Variants in TBC1D5 observed in about 807,000 individuals in gnomAD.
TBC1D5 encodes TBC1 domain family, member 5.
TBC1D5 carries 75 observed loss-of-function variants against 100.3 expected under a neutral mutation model. The ratio of observed to expected loss-of-function variants is 0.75; its 90% CI spans 0.62 to 0.91. The LOEUF (loss-of-function observed/expected upper bound fraction) is 0.91. Ranked by LOEUF, TBC1D5 falls within the 40% of genes least tolerant of loss-of-function variation. The probability of loss-of-function intolerance (pLI) is 0.00; values close to 1 mark genes in which losing one functional copy is unlikely to be tolerated. For synonymous variants in TBC1D5, 323 were observed against 325.6 expected, an observed-to-expected ratio of 0.99 and a Z score of 0.09; for missense variants, 910 against 942.4, an observed-to-expected ratio of 0.97 and a Z score of 0.45.
At chr3:17,591,269 A>C (rs1195397917) in intron 2 of TBC1D5, among the ~76,000 whole-genome samples, 1 of 139,436 alleles carries the variant, frequency 7.2e-6, no homozygotes, top group African/African-American at 2.7e-5. Context: ...AAAAAAAACA[A>C]AAACCCCAGA....
intron 15 of TBC1D5, among the ~76,000 whole-genome samples, chr3:17,273,158 T>C (rs920399214): frequency 6.6e-6 from 1 of 152,218 alleles, no homozygotes; most frequent in Non-Finnish European, 1.5e-5. Context: ...CTGTAACATT[T>C]GCCACTCATC....
At chr3:17,511,014 G>A (rs968485977) in intron 2 of TBC1D5, among the ~76,000 whole-genome samples, 11 of 151,768 alleles carry the variant, frequency 7.2e-5, no homozygotes, top group Admixed American at 2.0e-4. Context: ...AAGTCAGTGC[G>A]ACAAAAAGAC....
intron 1 of TBC1D5, among the ~76,000 whole-genome samples, chr3:17,694,926 C>G (rs2071774449): frequency 6.6e-6 from 1 of 152,172 alleles, no homozygotes. Flanking sequence ...ACCCAGAAGA[C>G]AGTGGGGGCC....
chr3:17,706,446 C>T (rs1042670296), intron 1 of TBC1D5, among the ~76,000 whole-genome samples: 1 of 151,472 alleles, frequency 6.6e-6, no homozygotes, highest in Non-Finnish European at 1.5e-5. Flanking sequence ...CACACGCGCG[C>T]GCACACCCCA....
chr3:17,259,399 T>C (rs2078056393), intron 15 of TBC1D5, among the ~76,000 whole-genome samples: 1 of 152,188 alleles, frequency 6.6e-6, no homozygotes, highest in South Asian at 2.1e-4. Flanking sequence ...TAAACAAATA[T>C]ACTTCTGCTT....
intron 13 of TBC1D5, among the ~76,000 whole-genome samples, chr3:17,345,518 C>T (rs1248065119): frequency 6.6e-6 from 1 of 152,004 alleles, no homozygotes; most frequent in African/African-American, 2.4e-5. Flanking sequence ...GTGGCGATTC[C>T]TCAGGGATCT....
intron 15 of TBC1D5, among the ~76,000 whole-genome samples, chr3:17,265,880 A>G (rs2149558894): frequency 6.6e-6 from 1 of 151,344 alleles, no homozygotes; most frequent in South Asian, 2.1e-4. Context: ...AAACACTGCC[A>G]ATTGCTTTTT....
At chr3:17,613,805 G>A (rs1447058823) in intron 2 of TBC1D5, among the ~76,000 whole-genome samples, 3 of 152,162 alleles carry the variant, frequency 2.0e-5, no homozygotes. Flanking sequence ...CAGATGGGTG[G>A]AGTGTAAAAA....
At chr3:17,364,588 A>G (rs2091979558) in intron 13 of TBC1D5, among the ~76,000 whole-genome samples, 1 of 127,636 alleles carries the variant, frequency 7.8e-6, no homozygotes, top group African/African-American at 4.3e-5. Context: ...AAGCTACATC[A>G]TTTATTTTAG....
chr3:17,170,157 C>T (rs976791976), intron 19 of TBC1D5, among the ~76,000 whole-genome samples: 3 of 152,228 alleles, frequency 2.0e-5, no homozygotes, highest in Admixed American at 2.0e-4. Flanking sequence ...GTTTACAAGA[C>T]TGCTATGGCT....
intron 17 of TBC1D5, 72 bp downstream of exon 18, chr3:17,233,613 G>C: frequency 2.3e-6 from 2 of 864,834 alleles, no homozygotes; most frequent in Non-Finnish European, 1.8e-6. Context: ...AAGAAAAATG[G>C]AGTTTTGGAG....
At position 17,429,545 on chromosome 3, in the gene TBC1D5, T is replaced by G. The variant is rs1575875459; in HGVS notation, c.98-1026A>C. ...CAATGATTTAATCCAATTTTATACT[T>G]TTAATATACTTTGAACAACCGAAGG... On this transcript the variant is annotated intron_variant, in intron 3 of 21. Transcript: ENST00000253692. 2.6e-5 allele frequency among the ~76,000 whole-genome samples: 4 copies of G among 152,056 alleles called. No individual in the cohort carries two copies. The South Asian group carries it at 8.3e-4, about 31-fold the overall frequency.
chr3:17,316,023 T>G (rs1415825579), intron 13 of TBC1D5, among the ~76,000 whole-genome samples: 1 of 152,224 alleles, frequency 6.6e-6, no homozygotes, highest in African/African-American at 2.4e-5. Context: ...TAGCAGCGAC[T>G]GACCAAGGCC....
chr3:17,230,092 A>T (rs565094231), intron 17 of TBC1D5, among the ~76,000 whole-genome samples: 1 of 152,254 alleles, frequency 6.6e-6, no homozygotes, highest in African/African-American at 2.4e-5. Context: ...CTCAACAATA[A>T]CCAGAGCAGC....
intron 19 of TBC1D5, among the ~76,000 whole-genome samples, chr3:17,183,614 G>T (rs190582401): frequency 1.6e-4 from 24 of 152,226 alleles, no homozygotes; most frequent in African/African-American, 5.5e-4. Context: ...CCCTTTCCCT[G>T]CAGGAGTGGT....
intron 3 of TBC1D5, among the ~76,000 whole-genome samples, chr3:17,486,934 T>C (rs1386273734): frequency 6.6e-6 from 1 of 152,208 alleles, no homozygotes; most frequent in Admixed American, 6.5e-5. Flanking sequence ...GGTGGTTTTT[T>C]AGGATAGTCT....
chr3:17,489,916 CT>C (rs1384840399), intron 3 of TBC1D5, among the ~76,000 whole-genome samples: 2 of 152,078 alleles, frequency 1.3e-5, no homozygotes, highest in Non-Finnish European at 2.9e-5. Context: ...GCCTTTAGGT[CT>C]TTGAGGACAC....
chr3:17,442,994 G>T (rs943343998), intron 3 of TBC1D5, among the ~76,000 whole-genome samples: 1 of 151,960 alleles, frequency 6.6e-6, no homozygotes, highest in Admixed American at 6.6e-5. Context: ...TTCTCCAGAG[G>T]ATTTAACAGG....
chr3:17,338,863 T>C lies in TBC1D5; in HGVS notation c.996-30729A>G, dbSNP rs141818172. Reference sequence around the variant, plus strand: ...AAAAAATGAATGTCCATCATCTAAATTAGTATACAATGAATTCATCTTTCA... The same window carrying C: ...AAAAAATGAATGTCCATCATCTAAACTAGTATACAATGAATTCATCTTTCA... On this transcript the variant is annotated intron_variant, in intron 13 of 21. Transcript: ENST00000253692. Among the ~76,000 whole-genome samples the C allele has an allele frequency of 5.8e-4, 88 of 152,318 alleles. 1 individual carries two copies. The East Asian group carries it at 0.016, about 27-fold the overall frequency.
Sources: allele counts gnomAD v4.1 joint callset (sites outside exome capture counted in the v4.1 genomes callset), GRCh38; gene constraint gnomAD v4.1.1; transcripts MANE v1.5; gene names NCBI Gene and HGNC (gene_info 2026-07-23, HGNC 2026-07-21).